NPC1L1: variants seen among roughly 807,000 people sequenced by gnomAD.
The protein encoded by NPC1L1 is NPC1-like intracellular cholesterol transporter 1.
NPC1L1 carries 98 observed loss-of-function variants against 117.0 expected under a neutral mutation model. That is an observed-to-expected ratio of 0.84 (90% CI 0.71 to 0.99). The LOEUF is 0.99. Among genes scored for constraint, NPC1L1 ranks in the 50% least tolerant of loss-of-function variants. The pLI is 0.00. For missense variants in NPC1L1, 1,540 were observed against 1,710.0 expected (o/e 0.90, Z 1.75); for synonymous variants, 729 against 727.6 (o/e 1.00, Z -0.03).
At position 44,536,540 on chromosome 7, in the gene NPC1L1, T is replaced by C; in HGVS notation, c.1682-112A>G. 1 of 1,197,782 alleles carries C rather than the reference T, an allele frequency of 8.3e-7. No homozygotes were observed. Among genetic ancestry groups the C allele is most frequent in the African/African-American group, 1.5e-5 (1 of 66,866 alleles). 74.2% of individuals were successfully genotyped at this position (1,197,782 alleles called of 1,614,324 possible). A position where few individuals can be genotyped will look rare whatever the true frequency, so the allele number is the denominator to read the frequency against. On this transcript the variant is annotated intron_variant, in intron 3 of 18. Transcript: ENST00000381160. This position sits in a 1 kb window ranked among gnomAD's most constrained non-coding sequence, Gnocchi z 4.7. Reference sequence around the variant, plus strand: ...TAGCTGCACCCCTCCCATCACCCCTTGCTCCTTCTCCCCCACTCCTTCCTC... The same window carrying C: ...TAGCTGCACCCCTCCCATCACCCCTCGCTCCTTCTCCCCCACTCCTTCCTC...
chr7:44,528,307 G>A (rs1312369929), intron 10 of NPC1L1, among the ~76,000 whole-genome samples: 1 of 152,126 alleles, frequency 6.6e-6, no homozygotes, highest in Non-Finnish European at 1.5e-5. Flanking sequence ...ATCTCACTGT[G>A]TTGGCTAGGC....
chr7:44,533,446 G>C lies in NPC1L1; in HGVS notation c.2394C>G (p.Asp798Glu). The change falls in exon 8 of 19, where the codon GAC becomes GAG. Residue 798 changes from aspartate (D) to glutamate (E), a missense_variant. Asp to Glu is a conservative substitution (Grantham distance 45). Transcript: ENST00000381160. ...MSAFVALLSL[D>E]SKRQEASRLD... ...CTGCCCCTACCTCCTGCCTCTTGCT[G>C]TCCAGGGAGAGCAGGGCCACAAAGG... 6.2e-7 allele frequency: 1 copy of C among 1,613,952 alleles called. No homozygotes were observed. The highest frequency in any genetic ancestry group is 8.5e-7 in the Non-Finnish European group (1 of 1,179,952).
rs769649924 is a variant in NPC1L1, at chr7:44,539,207, T to C, written c.1190A>G (p.His397Arg). The change falls in exon 2 of 19, where the codon CAT (histidine) becomes CGT (arginine). Residue 397 changes from histidine (H) to arginine (R), a missense_variant. By Grantham distance (29) the His-to-Arg change is conservative. Transcript: ENST00000381160. This position sits in a 1 kb window ranked among gnomAD's most constrained non-coding sequence, Gnocchi z 4.4. ...NSQARSEKAF[H>R]DQHFGPFFRT... ...GAAGAAGGGGCCGAAATGCTGGTCATGGAAAGCTTTCTCACTCCGGGCTTG... is the reference window on the plus strand; with the variant it reads ...GAAGAAGGGGCCGAAATGCTGGTCACGGAAAGCTTTCTCACTCCGGGCTTG... 11 of 1,613,974 alleles carry C rather than the reference T, an allele frequency of 6.8e-6. No individual in the cohort carries two copies. The Admixed American group carries it at 1.7e-4, about 24-fold the overall frequency.
intron 10 of NPC1L1, among the ~76,000 whole-genome samples, chr7:44,525,164 A>G (rs557921270): frequency 4.6e-5 from 7 of 152,206 alleles, no homozygotes; most frequent in Non-Finnish European, 8.8e-5. Context: ...TTATGGCCAG[A>G]ACTCCCCAAA....
Position 44,539,743 on chromosome 7 carries a change from G to A in NPC1L1, c.654C>T (p.Ile218=), listed in dbSNP as rs141358485. The A allele has an allele frequency of 7.4e-6, 12 of 1,614,066 alleles. No individual in the cohort carries two copies. In the African/African-American group the frequency reaches 9.3e-5, roughly 13 times the overall value. Residue 218 remains isoleucine (I), a synonymous_variant, in exon 2 of 19, where the codon ATC becomes ATT. Transcript: ENST00000381160. The surrounding 1 kb of genome is among the most constrained non-coding windows in gnomAD (Gnocchi z 4.4). ...DTGNGLAPLD[I]TFHLLEPGQA... is the part of the protein sequence containing the mutation. ...GGCCAGGCTCCAAGAGGTGGAAGGT[G>A]ATGTCCAGTGGGGCCAGACCATTGC... is the stretch of plus-strand genomic sequence containing the variant.
At chr7:44,519,979 A>C (rs1801302160) in intron 14 of NPC1L1, among the ~76,000 whole-genome samples, 2 of 151,666 alleles carry the variant, frequency 1.3e-5, no homozygotes, top group Admixed American at 1.3e-4. Flanking sequence ...CAATTTTTTA[A>C]ATTTTACTTT....
intron 15 of NPC1L1, 37 bp downstream of exon 15, chr7:44,517,170 C>A: frequency 6.2e-7 from 1 of 1,613,724 alleles, no homozygotes; most frequent in South Asian, 1.1e-5. Context: ...AGCAACCATA[C>A]CCCACCTCCC....
chr7:44,533,100 C>T (rs7808295), intron 8 of NPC1L1: 7,850 of 302,424 alleles, frequency 0.026, 166 homozygotes, highest in Non-Finnish European at 0.038. Flanking sequence ...AGTGAAACTC[C>T]GTCTCAAAAA....
In NPC1L1 at chr7:44,512,957, G is replaced by A. The variant is rs943180531; in HGVS notation, c.*490C>T. On this transcript the variant is annotated 3_prime_UTR_variant, in exon 19 of 19. Coordinates refer to ENST00000381160, the MANE Select transcript of NPC1L1 (RefSeq NM_001101648.2). ...TGGCTGCCGACCGGCCTCCCACAGCGTTGGCTCTTGGCCTGAGCCTTTGCC... is the reference window on the plus strand; with the variant it reads ...TGGCTGCCGACCGGCCTCCCACAGCATTGGCTCTTGGCCTGAGCCTTTGCC... The A allele has an allele frequency of 2.1e-5, 4 of 191,318 alleles. No individual in the cohort carries two copies. The Admixed American group carries it at 2.2e-4, about 10-fold the overall frequency. 11.9% of individuals were successfully genotyped at this position (191,318 alleles called of 1,614,324 possible).
Position 44,515,792 on chromosome 7 carries a change from T to C in NPC1L1, c.3796+11A>G. The C allele has an allele frequency of 6.2e-7, 1 of 1,614,124 alleles. No homozygotes were observed. The highest frequency in any genetic ancestry group is 1.1e-5 in the South Asian group (1 of 91,082). On this transcript the variant is annotated intron_variant, in intron 18 of 18. Transcript: ENST00000381160. ...CATGACAGTCTGGTAGGAACAGGCCTGGGCACTCACCCACGTAGCTGAGGA... is the reference window on the plus strand; with the variant it reads ...CATGACAGTCTGGTAGGAACAGGCCCGGGCACTCACCCACGTAGCTGAGGA...
Position 44,522,192 on chromosome 7 carries a change from C to A in NPC1L1, c.2688G>T (p.Val896=). 6.2e-7 allele frequency: 1 copy of A among 1,613,862 alleles called. No homozygotes were observed. The change falls in exon 11 of 19, where the codon GTG becomes GTT. Residue 896 remains valine (V), a synonymous_variant. Transcript: ENST00000381160. The stretch of plus-strand genomic sequence containing the variant: ...TGGTAACAAAGTACACCGGGGCCCC[C>A]ACCTCGAAGTAGCGGTTCAGAAAGA... ...YFLFLNRYFE[V]GAPVYFVTTL...
At chr7:44,522,838 A>C (rs918581250) in intron 10 of NPC1L1, among the ~76,000 whole-genome samples, 41 of 151,260 alleles carry the variant, frequency 2.7e-4, no homozygotes, top group African/African-American at 9.7e-4. Context: ...TGGCACAGCC[A>C]CCGTCTAACA....
At position 44,522,144 on chromosome 7, in the gene NPC1L1, G is replaced by T. The variant is rs1212778355; in HGVS notation, c.2736C>A (p.Ser912Arg). 6.2e-7 allele frequency: 1 copy of T among 1,614,008 alleles called. No homozygotes were observed. The highest frequency in any genetic ancestry group is 8.5e-7 in the Non-Finnish European group (1 of 1,179,960). ...FVTTLGYNFS[S>R]EAGMNAICSS... ...AGCAGATGGCATTCATCCCAGCCTCGCTGGAGAAGTTGTAGCCCAAGGTGG... is the reference window on the plus strand; with the variant it reads ...AGCAGATGGCATTCATCCCAGCCTCTCTGGAGAAGTTGTAGCCCAAGGTGG... The change falls in exon 11 of 19, where the codon AGC (serine) becomes AGA (arginine). Residue 912 changes from serine (S) to arginine (R), a missense_variant. This residue lies in a region of NPC1L1 where 742 missense variants were observed against 873.6 expected (regional missense o/e 0.85). Transcript: ENST00000381160.
intron 12 of NPC1L1, 103 bp from the exon 13 acceptor site, chr7:44,521,221 C>T: frequency 6.8e-7 from 1 of 1,461,104 alleles, no homozygotes; most frequent in Non-Finnish European, 9.5e-7. Context: ...CTGGGCACTC[C>T]AGCCTCAACC....
chr7:44,516,030 G>T (rs1473546617), intron 17 of NPC1L1, 54 bp downstream of exon 17: 1 of 1,608,464 alleles, frequency 6.2e-7, no homozygotes, highest in Non-Finnish European at 8.5e-7. Context: ...AGGGCATCAG[G>T]CAGGGCACAG....
chr7:44,526,808 G>A (rs1040413249), intron 10 of NPC1L1, among the ~76,000 whole-genome samples: 3 of 152,028 alleles, frequency 2.0e-5, no homozygotes, highest in Non-Finnish European at 4.4e-5. Flanking sequence ...TGGATCACCT[G>A]AGGTCAGGAG....
chr7:44,535,115 A>G (rs1801832694), intron 5 of NPC1L1, among the ~76,000 whole-genome samples: 1 of 152,222 alleles, frequency 6.6e-6, no homozygotes, highest in East Asian at 1.9e-4. Context: ...TAGCTCACGC[A>G]TGTAATCCCA....
At chr7:44,519,865 T>A (rs533897624) in intron 14 of NPC1L1, among the ~76,000 whole-genome samples, 1 of 151,858 alleles carries the variant, frequency 6.6e-6, no homozygotes, top group African/African-American at 2.4e-5. Flanking sequence ...GAGTGCAGTG[T>A]TGCGATCACA....
Position 44,538,949 on chromosome 7 carries a change from TAG to T in NPC1L1, c.1446_1447del (p.Tyr483ArgfsTer62). ...CAGGAGGCTGTTGATGCAGCAGTCG[TAG>T]AGACTGGTATTGTCCGGATTGAGGG... On this transcript the variant is annotated frameshift_variant, in exon 2 of 19. Coordinates refer to ENST00000381160, the MANE Select transcript of NPC1L1 (RefSeq NM_001101648.2). LOFTEE classifies it high-confidence loss of function. This position sits in a 1 kb window ranked among gnomAD's most constrained non-coding sequence, Gnocchi z 5.9. 2 of 1,614,176 alleles carry T rather than the reference TAG, an allele frequency of 1.2e-6. No homozygotes were observed. The highest frequency in any genetic ancestry group is 1.7e-6 in the Non-Finnish European group (2 of 1,180,016).
Sources: gnomAD v4.1 joint callset for allele counts (sites outside exome capture counted in the v4.1 genomes callset) on GRCh38, gnomAD v4.1.1 for gene constraint, gnomAD v4.1.1 regional missense constraint, Gnocchi (gnomAD v3.1) non-coding constraint, MANE v1.5 for transcripts, NCBI Gene and HGNC (gene_info 2026-07-23, HGNC 2026-07-21) for gene names.